Variants in INSC observed in about 807,000 individuals in gnomAD.
INSC encodes protein inscuteable homolog.
Under a neutral mutation model 58.6 loss-of-function variants are expected in INSC, and 67 were observed. The ratio of observed to expected loss-of-function variants is 1.14; its 90% CI spans 0.94 to 1.40. The LOEUF is 1.40. Among genes scored for constraint, INSC ranks in the 40% most tolerant of loss-of-function variants. The pLI, the probability that INSC is intolerant of heterozygous loss-of-function variation, is 0.00. For synonymous variants in INSC, 262 were observed against 276.1 expected (o/e 0.95, Z 0.51); for missense variants, 714 against 692.0 (o/e 1.03, Z -0.36).
intron 2 of INSC, among the ~76,000 whole-genome samples, chr11:15,168,748 A>C (rs1305841989): frequency 2.0e-5 from 3 of 152,220 alleles, no homozygotes; most frequent in African/African-American, 4.8e-5. Flanking sequence ...GTTAAAAGTC[A>C]GGATACTGGT....
At chr11:15,171,074 G>A (rs999085340) in intron 2 of INSC, among the ~76,000 whole-genome samples, 6 of 152,184 alleles carry the variant, frequency 3.9e-5, no homozygotes, top group African/African-American at 1.4e-4. Context: ...TGGAGGGCTT[G>A]ACAAAAATGT....
chr11:15,212,603 T>G (rs1216966741), intron 7 of INSC, among the ~76,000 whole-genome samples: 1 of 152,272 alleles, frequency 6.6e-6, no homozygotes, highest in Non-Finnish European at 1.5e-5. Context: ...TTATTCCTAG[T>G]TATGATTTCA....
At chr11:15,227,528 C>A (rs1296891852) in intron 9 of INSC, among the ~76,000 whole-genome samples, 2 of 152,152 alleles carry the variant, frequency 1.3e-5, no homozygotes, top group South Asian at 4.1e-4. Flanking sequence ...TCAACTTGGC[C>A]CTCCAAACTA....
the INSC span, among the ~76,000 whole-genome samples, chr11:15,263,820 C>CA: frequency 6.6e-6 from 1 of 152,164 alleles, no homozygotes; most frequent in East Asian, 1.9e-4. Flanking sequence ...CAGTTCCTTG[C>CA]AGCTGTAAGA....
At chr11:15,139,948 G>T (rs1848330096) in intron 1 of INSC, among the ~76,000 whole-genome samples, 2 of 152,184 alleles carry the variant, frequency 1.3e-5, no homozygotes, top group Admixed American at 6.5e-5. Flanking sequence ...GTGGCTTAGG[G>T]CTGGGAGCTC....
intron 6 of INSC, among the ~76,000 whole-genome samples, chr11:15,200,429 T>G (rs567400423): frequency 3.9e-5 from 6 of 152,200 alleles, no homozygotes; most frequent in Admixed American, 3.3e-4. Context: ...TGCCTCAGAT[T>G]GGTTTCTAGG....
At chr11:15,165,936 T>A (rs1244424554) in intron 2 of INSC, among the ~76,000 whole-genome samples, 1 of 152,152 alleles carries the variant, frequency 6.6e-6, no homozygotes, top group Non-Finnish European at 1.5e-5. Context: ...GCGAGCCTCA[T>A]GACCCATCAT....
chr11:15,221,687 G>T, intron 8 of INSC, 39 bp downstream of exon 8: 1 of 1,557,738 alleles, frequency 6.4e-7, no homozygotes, highest in South Asian at 1.2e-5. Flanking sequence ...AGGAGAGAGG[G>T]CCTTGGCACA....
At chr11:15,194,706 T>A (rs2187534) in intron 6 of INSC, among the ~76,000 whole-genome samples, 1 of 152,138 alleles carries the variant, frequency 6.6e-6, no homozygotes, top group Non-Finnish European at 1.5e-5. Flanking sequence ...CCATCAACAG[T>A]TGAGGAAATG....
intron 11 of INSC, among the ~76,000 whole-genome samples, chr11:15,240,102 G>C (rs560168987): frequency 6.6e-6 from 1 of 152,122 alleles, no homozygotes; most frequent in Non-Finnish European, 1.5e-5. Context: ...TAAAGCCCTA[G>C]GAAATATTAG....
At chr11:15,250,730 C>T (rs1852641767), downstream of INSC, among the ~76,000 whole-genome samples, 1 of 152,156 alleles carries the variant, frequency 6.6e-6, no homozygotes, top group Admixed American at 6.5e-5. Flanking sequence ...GTAACAACTA[C>T]AACAACAGCA....
chr11:15,253,840 A>C, the INSC span, among the ~76,000 whole-genome samples: 1 of 152,178 alleles, frequency 6.6e-6, no homozygotes, highest in Non-Finnish European at 1.5e-5. Flanking sequence ...ACCCTCTCAA[A>C]GTCCAACTGA....
At chr11:15,145,775 T>C (rs1848477284) in intron 1 of INSC, among the ~76,000 whole-genome samples, 1 of 152,204 alleles carries the variant, frequency 6.6e-6, no homozygotes, top group Non-Finnish European at 1.5e-5. Context: ...CACTGAGGGC[T>C]GGCACTAGGT....
chr11:15,141,658 T>C (rs1848374715), intron 1 of INSC, among the ~76,000 whole-genome samples: 1 of 152,120 alleles, frequency 6.6e-6, no homozygotes, highest in Non-Finnish European at 1.5e-5. Context: ...AAGTATCTGA[T>C]TGCTGCAGGA....
intron 1 of INSC, among the ~76,000 whole-genome samples, chr11:15,129,475 G>A (rs923524074): frequency 5.3e-4 from 80 of 152,228 alleles, no homozygotes; most frequent in African/African-American, 1.8e-3. Context: ...TCCGTTTATG[G>A]CGAATTAACA....
At chr11:15,148,634 C>T (rs1378333249) in intron 1 of INSC, among the ~76,000 whole-genome samples, 9 of 152,006 alleles carry the variant, frequency 5.9e-5, no homozygotes, top group East Asian at 1.9e-4. Context: ...ACCACTATGC[C>T]GATAACAGGG....
chr11:15,157,816 T>A (rs1848868501), intron 2 of INSC, among the ~76,000 whole-genome samples: 2 of 152,006 alleles, frequency 1.3e-5, no homozygotes, highest in African/African-American at 4.8e-5. Flanking sequence ...CCAGGTCCAG[T>A]CTCCTTCCTG....
At chr11:15,207,787 AACCTC>A (rs755413169) in intron 7 of INSC, among the ~76,000 whole-genome samples, 3 of 152,218 alleles carry the variant, frequency 2.0e-5, no homozygotes, top group Admixed American at 6.5e-5. Context: ...CAAGCAAAAA[AACCTC>A]ACTTTAATCA....
intron 7 of INSC, among the ~76,000 whole-genome samples, chr11:15,207,663 C>T (rs1322485442): frequency 6.6e-6 from 1 of 152,172 alleles, no homozygotes; most frequent in African/African-American, 2.4e-5. Flanking sequence ...GGTGGGGAGG[C>T]TCTGTGGCCC....
Sources: allele counts gnomAD v4.1 joint callset (sites outside exome capture counted in the v4.1 genomes callset), GRCh38; gene constraint gnomAD v4.1.1; transcripts MANE v1.5; gene names NCBI Gene and HGNC (gene_info 2026-07-23, HGNC 2026-07-21).